The following FYB2 variants were observed in gnomAD, a reference collection of about 807,000 sequenced individuals.
The protein encoded by FYB2 is FYN-binding protein 2.
FYB2 carries 103 observed loss-of-function variants against 94.1 expected under a neutral mutation model. The ratio of observed to expected loss-of-function variants is 1.09; its 90% CI spans 0.93 to 1.29. The LOEUF is 1.29. Ranked by LOEUF, FYB2 falls within the 50% of genes most tolerant of loss-of-function variation. FYB2 has a pLI of 0.00. For missense variants in FYB2, 896 were observed against 841.5 expected (o/e 1.06, Z -0.80); for synonymous variants, 293 against 287.9 (o/e 1.02, Z -0.18).
chr1:56,812,300 T>G (rs1455571954), intron 1 of FYB2, among the ~76,000 whole-genome samples: 2 of 152,154 alleles, frequency 1.3e-5, no homozygotes, highest in African/African-American at 4.8e-5. Flanking sequence ...TTTAAAGATT[T>G]TTTTAAAAAC....
At chr1:56,756,698 A>G (rs977380836) in intron 6 of FYB2, among the ~76,000 whole-genome samples, 1 of 152,148 alleles carries the variant, frequency 6.6e-6, no homozygotes, top group African/African-American at 2.4e-5. Context: ...TACATGATTT[A>G]CAGGTTACTA....
chr1:56,808,227 A>G (rs1396930947), intron 1 of FYB2, among the ~76,000 whole-genome samples: 1 of 152,190 alleles, frequency 6.6e-6, no homozygotes, highest in African/African-American at 2.4e-5. Flanking sequence ...AAGTCAACTT[A>G]CTTGACTAAG....
upstream of FYB2, among the ~76,000 whole-genome samples, chr1:56,823,171 G>A (rs976252620): frequency 6.6e-6 from 1 of 152,136 alleles, no homozygotes; most frequent in East Asian, 1.9e-4. Flanking sequence ...GCTCAGAAAG[G>A]TTAGGCAGAT....
At position 56,740,682 on chromosome 1, in the gene FYB2, A is replaced by T; in HGVS notation, c.1703+15T>A. 1 of 1,506,224 alleles carries T rather than the reference A, an allele frequency of 6.6e-7. No individual in the cohort carries two copies. The highest frequency in any genetic ancestry group is 9.2e-7 in the Non-Finnish European group (1 of 1,090,310). 93.3% of individuals were successfully genotyped at this position (1,506,224 alleles called of 1,614,324 possible). ...TTAATCCCCTCGTGGAAAGGGATTTAAAGGGACTTTTTACCTTAAGTTTTC... is the reference window on the plus strand; with the variant it reads ...TTAATCCCCTCGTGGAAAGGGATTTTAAGGGACTTTTTACCTTAAGTTTTC... On this transcript the variant is annotated intron_variant, in intron 13 of 19. Transcript: ENST00000343433.
chr1:56,733,142 A>C (rs999121393), intron 15 of FYB2, among the ~76,000 whole-genome samples: 3 of 152,092 alleles, frequency 2.0e-5, no homozygotes, highest in Non-Finnish European at 1.5e-5. Flanking sequence ...ACAGAAAAAA[A>C]AATTCAATTA....
At chr1:56,819,211 T>C (rs1310491283) in intron 1 of FYB2, 71 bp downstream of exon 1, 1 of 1,607,228 alleles carries the variant, frequency 6.2e-7, no homozygotes, top group East Asian at 2.2e-5. Context: ...CCCAGGGCTC[T>C]CAAGTGGGAG....
chr1:56,794,831 T>A (rs1335289750), intron 1 of FYB2, among the ~76,000 whole-genome samples: 1 of 152,150 alleles, frequency 6.6e-6, no homozygotes, highest in Non-Finnish European at 1.5e-5. Flanking sequence ...CTTACGTGCC[T>A]TGGGCAATTC....
Position 56,749,199 on chromosome 1 carries a change from T to A in FYB2, c.1387+1845A>T, listed in dbSNP as rs140288923. On this transcript the variant is annotated intron_variant, in intron 9 of 19. Coordinates refer to ENST00000343433, the MANE Select transcript of FYB2 (RefSeq NM_001004303.5). ...TTATCCTGCTTGAGAACTTTAGGGT[T>A]CCTGGCTTTGCAAATTTATCTCTCT... 1.5e-3 allele frequency among the ~76,000 whole-genome samples: 233 copies of A among 152,008 alleles called. 2 individuals carry two copies. Among genetic ancestry groups the A allele is most frequent in the African/African-American group, 5.3e-3 (220 of 41,544 alleles).
At chr1:56,794,962 AT>A (rs762971254) in intron 1 of FYB2, among the ~76,000 whole-genome samples, 39 of 151,872 alleles carry the variant, frequency 2.6e-4, no homozygotes, top group Non-Finnish European at 5.0e-4. Context: ...AGTGATAAAT[AT>A]TTTTTATATT....
chr1:56,789,554 T>G (rs777201310), intron 2 of FYB2, among the ~76,000 whole-genome samples: 1 of 152,228 alleles, frequency 6.6e-6, no homozygotes, highest in Admixed American at 6.5e-5. Context: ...ACTTTTCCCT[T>G]TCTTGGCAAA....
At chr1:56,813,596 T>C (rs964400649) in intron 1 of FYB2, among the ~76,000 whole-genome samples, 1 of 152,126 alleles carries the variant, frequency 6.6e-6, no homozygotes, top group African/African-American at 2.4e-5. Context: ...AAAGAACCTG[T>C]CTTCAAATAA....
chr1:56,772,718 T>C (rs777574874), intron 4 of FYB2, among the ~76,000 whole-genome samples: 30 of 152,144 alleles, frequency 2.0e-4, no homozygotes, highest in African/African-American at 3.4e-4. Context: ...AAGAACTGGG[T>C]AAATACCTTA....
intron 3 of FYB2, among the ~76,000 whole-genome samples, chr1:56,787,931 T>C (rs1191311569): frequency 6.6e-6 from 1 of 152,220 alleles, no homozygotes; most frequent in African/African-American, 2.4e-5. Flanking sequence ...CAGTAAAGTA[T>C]ACTTATAAGA....
chr1:56,745,534 T>C (rs577809875), intron 9 of FYB2, among the ~76,000 whole-genome samples: 8 of 152,122 alleles, frequency 5.3e-5, no homozygotes, highest in African/African-American at 1.9e-4. Context: ...CTGTCCACTG[T>C]AGTTTCAAAT....
At chr1:56,720,881 T>C (rs1644472358) in intron 17 of FYB2, 1 of 152,232 alleles carries the variant, frequency 6.6e-6, no homozygotes, top group Non-Finnish European at 1.5e-5. Context: ...CCATAGATGG[T>C]AGTTAACTGT....
chr1:56,800,437 G>A (rs948560954), intron 1 of FYB2, among the ~76,000 whole-genome samples: 3 of 151,620 alleles, frequency 2.0e-5, no homozygotes, highest in Non-Finnish European at 4.4e-5. Flanking sequence ...TAAAGCTTAA[G>A]GTTAGAAAGA....
chr1:56,771,089 TA>T (rs1434848122), intron 4 of FYB2, among the ~76,000 whole-genome samples: 1 of 152,166 alleles, frequency 6.6e-6, no homozygotes, highest in Non-Finnish European at 1.5e-5. Flanking sequence ...TGAAGTTGAT[TA>T]GTTAGTATTG....
intron 14 of FYB2, among the ~76,000 whole-genome samples, chr1:56,737,999 A>G (rs1438325239): frequency 6.6e-6 from 1 of 152,132 alleles, no homozygotes; most frequent in Non-Finnish European, 1.5e-5. Flanking sequence ...AGTGACATCC[A>G]GGTAGCCACA....
intron 9 of FYB2, among the ~76,000 whole-genome samples, chr1:56,750,310 A>AT (rs764106929): frequency 7.2e-5 from 11 of 152,044 alleles, no homozygotes; most frequent in Non-Finnish European, 1.3e-4. Context: ...AAGTAAGTAC[A>AT]TTTTCCAAAA....
Sources: gnomAD v4.1 joint callset for allele counts (sites outside exome capture counted in the v4.1 genomes callset) on GRCh38, gnomAD v4.1.1 for gene constraint, MANE v1.5 for transcripts, NCBI Gene and HGNC (gene_info 2026-07-23, HGNC 2026-07-21) for gene names.